COPS2: variants seen among roughly 807,000 people sequenced by gnomAD.
COPS2 encodes the protein COP9 signalosome subunit 2.
A neutral mutation model predicts 66.1 loss-of-function variants in COPS2; 10 were observed. The ratio of observed to expected loss-of-function variants is 0.15; its 90% CI spans 0.09 to 0.26. The LOEUF (loss-of-function observed/expected upper bound fraction) is 0.26. COPS2 is among the 10% of genes least tolerant of loss of function. COPS2 has a pLI of 1.00. For synonymous variants in COPS2, 179 were observed against 171.3 expected (o/e 1.04, Z -0.35); for missense variants, 215 against 513.3 (o/e 0.42, Z 5.62).
At chr15:49,140,089 C>T (rs1426504558) in intron 3 of COPS2, among the ~76,000 whole-genome samples, 3 of 151,994 alleles carry the variant, frequency 2.0e-5, no homozygotes, top group Admixed American at 6.5e-5. Flanking sequence ...CAGGTTCAAG[C>T]GATTCTCCTG....
In COPS2 at chr15:49,128,775, T is replaced by A; in HGVS notation, c.1129-15A>T. On this transcript the variant is annotated splice_polypyrimidine_tract_variant and intron_variant, in intron 11 of 12. Coordinates refer to ENST00000388901, the MANE Select transcript of COPS2 (RefSeq NM_004236.4). ...ATGTTTAACTCCTAAGACAAAAGAC[T>A]TGTTATATACCAATTAACATTTTAA... The A allele has an allele frequency of 6.4e-7, 1 of 1,563,738 alleles. No individual in the cohort carries two copies. Among genetic ancestry groups the A allele is most frequent in the Non-Finnish European group, 8.8e-7 (1 of 1,137,754 alleles).
chr15:49,153,952 G>A (rs1251775786), intron 1 of COPS2, among the ~76,000 whole-genome samples: 1 of 152,104 alleles, frequency 6.6e-6, no homozygotes, highest in Non-Finnish European at 1.5e-5. Flanking sequence ...GATAGAAGGA[G>A]TAAGTTCTAA....
chr15:49,148,678 G>A (rs1170845934), intron 1 of COPS2, among the ~76,000 whole-genome samples: 1 of 152,184 alleles, frequency 6.6e-6, no homozygotes, highest in Admixed American at 6.5e-5. Flanking sequence ...AAGCAATGAA[G>A]AGCCCATTGG....
At chr15:49,142,047 T>A (rs77330379) in intron 3 of COPS2, among the ~76,000 whole-genome samples, 7 of 152,100 alleles carry the variant, frequency 4.6e-5, no homozygotes, top group African/African-American at 1.2e-4. Context: ...CTTGAAACAC[T>A]TGGTGCTTCT....
At position 49,154,632 on chromosome 15, in the gene COPS2, A is replaced by G. The variant is rs188448140; in HGVS notation, c.54+893T>C. ...CCCCAAAATAAAGAAACACAGCAAA[A>G]TTGACGTTAATTCTGGATCAAGATA... is the stretch of plus-strand genomic sequence containing the variant. On this transcript the variant is annotated intron_variant, in intron 1 of 12. Transcript: ENST00000388901. Among the ~76,000 whole-genome samples, 8 of 152,334 alleles carry G rather than the reference A, an allele frequency of 5.3e-5. No homozygotes were observed. In the East Asian group the frequency reaches 1.5e-3, roughly 29 times the overall value.
At chr15:49,136,385 GTAAT>G (rs2141126301) in intron 6 of COPS2, among the ~76,000 whole-genome samples, 1 of 152,174 alleles carries the variant, frequency 6.6e-6, no homozygotes, top group Admixed American at 6.5e-5. Flanking sequence ...CAAATTTAAA[GTAAT>G]TAATTACAGA....
intron 6 of COPS2, among the ~76,000 whole-genome samples, chr15:49,135,553 G>A (rs937652931): frequency 2.0e-5 from 3 of 152,058 alleles, no homozygotes; most frequent in Non-Finnish European, 4.4e-5. Flanking sequence ...GACGTCACAG[G>A]AATCACAAAA....
chr15:49,130,843 T>C (rs771241234), intron 9 of COPS2, 27 bp from the exon 10 acceptor site: 6 of 1,245,054 alleles, frequency 4.8e-6, no homozygotes, highest in Admixed American at 3.4e-5. Context: ...GTGTAAATTA[T>C]GTCAAACATG....
intron 4 of COPS2, 34 bp downstream of exon 4, chr15:49,139,494 C>A (rs774542965): frequency 1.3e-6 from 2 of 1,542,612 alleles, no homozygotes; most frequent in Admixed American, 1.8e-5. Flanking sequence ...AATAAACACA[C>A]TGATCGTCCC....
intron 9 of COPS2, among the ~76,000 whole-genome samples, chr15:49,131,439 A>G (rs538773275): frequency 6.6e-6 from 1 of 151,644 alleles, no homozygotes; most frequent in Non-Finnish European, 1.5e-5. Context: ...TCTTGAAATA[A>G]TTCTGTAAAG....
At chr15:49,152,183 A>G (rs545632686) in intron 1 of COPS2, among the ~76,000 whole-genome samples, 60 of 151,942 alleles carry the variant, frequency 3.9e-4, no homozygotes, top group South Asian at 3.3e-3. Flanking sequence ...ATAAAAAAAA[A>G]AAAAGAAAAT....
In COPS2 at chr15:49,127,994, G is replaced by C. The variant is rs1271812497; in HGVS notation, c.1288C>G (p.Gln430Glu). 6.2e-7 allele frequency: 1 copy of C among 1,613,734 alleles called. No homozygotes were observed. The highest frequency in any genetic ancestry group is 1.3e-5 in the African/African-American group (1 of 74,874). ...RYTALDKWTN[Q>E]LNSLNQAVVS... ...ACAGCCTGGTTGAGAGAATTTAGTT[G>C]GTTGGTCCATTTATCTAGTGCAGTA... The change falls in exon 13 of 13, where the codon CAA (glutamine) becomes GAA (glutamate). Residue 430 changes from glutamine to glutamate, a missense_variant. By Grantham distance (29) the Gln-to-Glu change is conservative. Coordinates refer to ENST00000388901, the MANE Select transcript of COPS2 (RefSeq NM_004236.4).
chr15:49,143,524 T>C (rs1566885182), intron 3 of COPS2, among the ~76,000 whole-genome samples: 1 of 152,152 alleles, frequency 6.6e-6, no homozygotes, highest in Non-Finnish European at 1.5e-5. Context: ...TGTAAAGCCA[T>C]GTGGATTTGC....
intron 9 of COPS2, among the ~76,000 whole-genome samples, chr15:49,131,554 C>T (rs79191624): frequency 0.061 from 9,202 of 151,890 alleles, 556 homozygotes; most frequent in African/African-American, 0.15. Flanking sequence ...CTATACTGCA[C>T]GCCCTCTGCT....
At position 49,137,143 on chromosome 15, in the gene COPS2, A is replaced by AAGCT; in HGVS notation, c.540+3_540+6dup. 2 of 1,554,420 alleles carry AAGCT rather than the reference A, an allele frequency of 1.3e-6. No individual in the cohort carries two copies. Among genetic ancestry groups the AAGCT allele is most frequent in the Non-Finnish European group, 1.7e-6 (2 of 1,150,116 alleles). On this transcript the variant is annotated splice_region_variant and intron_variant, in intron 6 of 12. Coordinates refer to ENST00000388901, the MANE Select transcript of COPS2 (RefSeq NM_004236.4). ...GAAATATTCAGAAAAAAATAAGGGA[A>AAGCT]AGCTACCTGGCACGACTGATGTAAC...
chr15:49,143,075 A>G (rs933598565), intron 3 of COPS2, among the ~76,000 whole-genome samples: 10 of 152,230 alleles, frequency 6.6e-5, no homozygotes, highest in Non-Finnish European at 1.3e-4. Context: ...AAGTGGTGCC[A>G]TTGAGCAGAG....
At chr15:49,139,418 G>T (rs1222837848) in intron 4 of COPS2, 110 bp downstream of exon 4, 3 of 826,668 alleles carry the variant, frequency 3.6e-6, no homozygotes, top group Non-Finnish European at 5.9e-6. Context: ...CTAATAACTA[G>T]CACAACTACT....
At chr15:49,150,256 AAAAAAAT>A (rs2084349577) in intron 1 of COPS2, among the ~76,000 whole-genome samples, 3 of 149,820 alleles carry the variant, frequency 2.0e-5, no homozygotes, top group African/African-American at 7.4e-5. Flanking sequence ...TCAAAAAAAA[AAAAAAAT>A]AAATAAAAAT....
chr15:49,137,112 T>G (rs758547224), intron 6 of COPS2, 38 bp downstream of exon 6: 7 of 1,276,408 alleles, frequency 5.5e-6, no homozygotes, highest in Non-Finnish European at 7.6e-6. Context: ...TTTTTTTTAT[T>G]ATGAAGAAAT....
Sources: allele counts gnomAD v4.1 joint callset (sites outside exome capture counted in the v4.1 genomes callset), GRCh38; gene constraint gnomAD v4.1.1; transcripts MANE v1.5; gene names NCBI Gene and HGNC (gene_info 2026-07-23, HGNC 2026-07-21).